The following ABTB3 variants were observed in gnomAD, a reference collection of about 807,000 sequenced individuals.
ABTB3 encodes the protein ankyrin repeat and BTB domain containing 3.
chr12:107,433,630 A>T, the ABTB3 span, among the ~76,000 whole-genome samples: 3 of 152,160 alleles, frequency 2.0e-5, no homozygotes, highest in Non-Finnish European at 4.4e-5. Flanking sequence ...CCATTGTCTT[A>T]GGTTGGTTTT....
chr12:107,622,379 C>T, the ABTB3 span, among the ~76,000 whole-genome samples: 3 of 152,210 alleles, frequency 2.0e-5, no homozygotes, highest in Non-Finnish European at 4.4e-5. Context: ...AGAAGACAGT[C>T]TCCTGTCGGA....
the ABTB3 span, among the ~76,000 whole-genome samples, chr12:107,489,350 A>G: frequency 3.9e-5 from 6 of 152,102 alleles, no homozygotes. Flanking sequence ...GTGAAACCCC[A>G]TCTCTACTAA....
the ABTB3 span, among the ~76,000 whole-genome samples, chr12:107,379,999 A>G: frequency 6.6e-6 from 1 of 152,008 alleles, no homozygotes; most frequent in Admixed American, 6.6e-5. Context: ...CCATCTATCC[A>G]CCTTCCAGCG....
At chr12:107,367,801 G>A in the ABTB3 span, among the ~76,000 whole-genome samples, 1 of 152,054 alleles carries the variant, frequency 6.6e-6, no homozygotes, top group Non-Finnish European at 1.5e-5. Context: ...CACCACTCCC[G>A]GCCTCTCTCT....
the ABTB3 span, among the ~76,000 whole-genome samples, chr12:107,452,269 G>A: frequency 1.4e-5 from 2 of 147,220 alleles, no homozygotes; most frequent in African/African-American, 5.0e-5. Flanking sequence ...AGTGAGTGGC[G>A]CGGTCTCCGC....
At chr12:107,330,254 C>T in the ABTB3 span, among the ~76,000 whole-genome samples, 1 of 151,990 alleles carries the variant, frequency 6.6e-6, no homozygotes, top group African/African-American at 2.4e-5. Flanking sequence ...ACTGGAGAGC[C>T]CTTGAAAGCT....
chr12:107,609,527 C>T, the ABTB3 span, among the ~76,000 whole-genome samples: 6 of 152,306 alleles, frequency 3.9e-5, no homozygotes, highest in East Asian at 7.7e-4. Flanking sequence ...GCGACTGTTT[C>T]GAATGCAGAG....
At chr12:107,572,034 A>G in the ABTB3 span, among the ~76,000 whole-genome samples, 4 of 152,280 alleles carry the variant, frequency 2.6e-5, no homozygotes, top group South Asian at 4.1e-4. Context: ...AATGCGCAGA[A>G]CTTGAAAATG....
chr12:107,328,438 G>A, the ABTB3 span, among the ~76,000 whole-genome samples: 1 of 152,186 alleles, frequency 6.6e-6, no homozygotes, highest in Admixed American at 6.5e-5. Context: ...AAAGTGGAGT[G>A]GTTTAACAGT....
chr12:107,654,696 TAAC>T, the ABTB3 span, among the ~76,000 whole-genome samples: 1 of 152,154 alleles, frequency 6.6e-6, no homozygotes, highest in South Asian at 2.1e-4. Flanking sequence ...CACAGGTTCT[TAAC>T]CCTGTGTTTA....
At chr12:107,507,395 T>G in the ABTB3 span, among the ~76,000 whole-genome samples, 1 of 152,138 alleles carries the variant, frequency 6.6e-6, no homozygotes, top group East Asian at 1.9e-4. Flanking sequence ...GGCGATGCAC[T>G]GGTCTGGGTT....
At chr12:107,319,097 C>A in the ABTB3 span, 132 of 1,608,690 alleles carry the variant, frequency 8.2e-5, no homozygotes, top group Non-Finnish European at 1.1e-4. Flanking sequence ...GAGCTGCTGG[C>A]CGCCTCTAGC....
At chr12:107,448,077 G>A in the ABTB3 span, among the ~76,000 whole-genome samples, 1 of 152,194 alleles carries the variant, frequency 6.6e-6, no homozygotes, top group Non-Finnish European at 1.5e-5. Flanking sequence ...AGTAAGTTCT[G>A]TAATCCCCAT....
chr12:107,494,509 G>A, the ABTB3 span, among the ~76,000 whole-genome samples: 1 of 152,192 alleles, frequency 6.6e-6, no homozygotes, highest in African/African-American at 2.4e-5. Context: ...GCCTCTCCCA[G>A]CCTAGACCGG....
the ABTB3 span, among the ~76,000 whole-genome samples, chr12:107,616,588 G>A: frequency 2.0e-5 from 3 of 152,178 alleles, no homozygotes; most frequent in African/African-American, 7.2e-5. Context: ...ACTGTCCTCA[G>A]GGCCATCCAG....
the ABTB3 span, among the ~76,000 whole-genome samples, chr12:107,418,720 C>T: frequency 6.6e-6 from 1 of 152,228 alleles, no homozygotes; most frequent in Non-Finnish European, 1.5e-5. Context: ...CTTTGCAGTT[C>T]TCTTGGGTGA....
the ABTB3 span, among the ~76,000 whole-genome samples, chr12:107,440,745 T>C: frequency 6.6e-6 from 1 of 151,358 alleles, no homozygotes; most frequent in African/African-American, 2.4e-5. Context: ...GGCAGGGAAA[T>C]GGAAGGGAGG....
chr12:107,432,195 T>A, the ABTB3 span, among the ~76,000 whole-genome samples: 1 of 152,176 alleles, frequency 6.6e-6, no homozygotes, highest in Non-Finnish European at 1.5e-5. Context: ...TCCACCCACT[T>A]CTTCCTTCCT....
At chr12:107,465,605 G>A in the ABTB3 span, among the ~76,000 whole-genome samples, 1 of 152,254 alleles carries the variant, frequency 6.6e-6, no homozygotes, top group Non-Finnish European at 1.5e-5. Context: ...GCTGGGGGCA[G>A]ACCTCCCCTG....
Sources: gnomAD v4.1 joint callset for allele counts (sites outside exome capture counted in the v4.1 genomes callset) on GRCh38, gnomAD v4.1.1 for gene constraint, MANE v1.5 for transcripts, NCBI Gene and HGNC (gene_info 2026-07-23, HGNC 2026-07-21) for gene names.